JMJD1C: variants seen among roughly 807,000 people sequenced by gnomAD.
The protein encoded by JMJD1C is jumonji domain containing 1C.
A neutral mutation model predicts 245.3 loss-of-function variants in JMJD1C; 31 were observed. The ratio of observed to expected loss-of-function variants is 0.13; its 90% CI spans 0.09 to 0.17. JMJD1C has a LOEUF of 0.17. JMJD1C is among the 10% of genes least tolerant of loss of function. The probability of loss-of-function intolerance (pLI) is 1.00; values close to 1 mark genes in which losing one functional copy is unlikely to be tolerated. For missense variants in JMJD1C, 2,691 were observed against 3,000.2 expected (o/e 0.90, Z 2.41); for synonymous variants, 1,057 against 1,017.4 (o/e 1.04, Z -0.74).
intron 2 of JMJD1C, among the ~76,000 whole-genome samples, chr10:63,309,494 C>CAAAAAAA (rs71025153): frequency 2.6e-4 from 13 of 49,382 alleles, no homozygotes; most frequent in Middle Eastern, 0.025. Flanking sequence ...GACTCCATCT[C>CAAAAAAA]AAAAAAAAAA....
chr10:63,190,555 A>T (rs1844670343), intron 17 of JMJD1C, among the ~76,000 whole-genome samples: 1 of 152,196 alleles, frequency 6.6e-6, no homozygotes, highest in Admixed American at 6.5e-5. Context: ...GTAAATAATT[A>T]AAGCAAAATT....
At chr10:63,434,571 A>C (rs751363971) in intron 1 of JMJD1C, among the ~76,000 whole-genome samples, 1 of 152,078 alleles carries the variant, frequency 6.6e-6, no homozygotes, top group Non-Finnish European at 1.5e-5. Context: ...CTCTCTAAGC[A>C]ATGAGATAAA....
At chr10:63,513,674 A>G (rs556413420) in intron 1 of JMJD1C, among the ~76,000 whole-genome samples, 1 of 152,308 alleles carries the variant, frequency 6.6e-6, no homozygotes, top group Non-Finnish European at 1.5e-5. Flanking sequence ...GCACTTTGGG[A>G]GGCCGAGACA....
intron 2 of JMJD1C, among the ~76,000 whole-genome samples, chr10:63,362,167 G>A (rs1767336132): frequency 6.6e-6 from 1 of 151,014 alleles, no homozygotes; most frequent in Admixed American, 6.6e-5. Context: ...CCTGGGAGGC[G>A]GAGGCTACAG....
At chr10:63,250,892 C>T (rs1417021703) in intron 3 of JMJD1C, among the ~76,000 whole-genome samples, 1 of 152,146 alleles carries the variant, frequency 6.6e-6, no homozygotes, top group African/African-American at 2.4e-5. Flanking sequence ...AGGTGCATGG[C>T]ACCACATGTG....
chr10:63,298,094 C>A (rs1859652211), intron 2 of JMJD1C, among the ~76,000 whole-genome samples: 1 of 152,214 alleles, frequency 6.6e-6, no homozygotes. Flanking sequence ...ACTGGAACTG[C>A]CTGCCCCACT....
intron 2 of JMJD1C, among the ~76,000 whole-genome samples, chr10:63,318,491 T>C (rs553067319): frequency 6.6e-6 from 1 of 152,220 alleles, no homozygotes; most frequent in African/African-American, 2.4e-5. Flanking sequence ...TATATTATAA[T>C]CATGCCCTTT....
chr10:63,374,268 T>A (rs889885548), intron 2 of JMJD1C, among the ~76,000 whole-genome samples: 12 of 152,094 alleles, frequency 7.9e-5, no homozygotes, highest in Admixed American at 2.6e-4. Context: ...ATGAAAAAAA[T>A]TCACCCTATT....
intron 3 of JMJD1C, among the ~76,000 whole-genome samples, chr10:63,256,252 C>T (rs1317004007): frequency 2.0e-5 from 3 of 152,160 alleles, no homozygotes; most frequent in African/African-American, 7.2e-5. Context: ...ATTTTCAACA[C>T]ATCAAGTTTC....
intron 1 of JMJD1C, among the ~76,000 whole-genome samples, chr10:63,400,382 T>C (rs1948775295): frequency 6.6e-6 from 1 of 152,144 alleles, no homozygotes; most frequent in Non-Finnish European, 1.5e-5. Flanking sequence ...TCCTCTCCTC[T>C]AGAGTCTCAC....
chr10:63,429,019 T>C (rs1208071247), intron 1 of JMJD1C, among the ~76,000 whole-genome samples: 1 of 152,100 alleles, frequency 6.6e-6, no homozygotes, highest in Non-Finnish European at 1.5e-5. Context: ...TCACTCTTGT[T>C]ACCCAGGCTG....
chr10:63,173,308 T>C (rs1842558528), intron 24 of JMJD1C, among the ~76,000 whole-genome samples: 1 of 152,090 alleles, frequency 6.6e-6, no homozygotes, highest in African/African-American at 2.4e-5. Context: ...CCTCAAACTA[T>C]AATGGTTCTA....
chr10:63,466,050 C>T (rs1031582566), upstream of JMJD1C: 1 of 225,822 alleles, frequency 4.4e-6, no homozygotes, highest in Non-Finnish European at 8.6e-6. Flanking sequence ...GGGCAGCAGC[C>T]GCGGGAGGGT....
rs138996758 is a variant in JMJD1C, at chr10:63,170,954, A to G, written c.7402-2388T>C. On this transcript the variant is annotated intron_variant, in intron 24 of 25. Coordinates refer to ENST00000399262, the MANE Select transcript of JMJD1C (RefSeq NM_032776.3). ...ATTATAAATAGGTAATGTTAAGAAA[A>G]TATAATTTGTATTCATAGTAGGAAG... is the stretch of plus-strand genomic sequence containing the variant. Among the ~76,000 whole-genome samples the G allele has an allele frequency of 5.2e-3, 785 of 152,328 alleles. 5 individuals are homozygous for G. The highest frequency in any genetic ancestry group is 7.4e-3 in the Non-Finnish European group (506 of 68,034).
At chr10:63,459,351 AG>A (rs1952630353) in intron 1 of JMJD1C, among the ~76,000 whole-genome samples, 3 of 152,242 alleles carry the variant, frequency 2.0e-5, no homozygotes, top group Non-Finnish European at 4.4e-5. Context: ...ACACTGACAG[AG>A]TATAAACTAG....
At chr10:63,235,427 G>T (rs539921884) in intron 3 of JMJD1C, among the ~76,000 whole-genome samples, 1 of 152,146 alleles carries the variant, frequency 6.6e-6, no homozygotes, top group Non-Finnish European at 1.5e-5. Flanking sequence ...AACCCGCGAG[G>T]CAGAGGTTGC....
intron 1 of JMJD1C, among the ~76,000 whole-genome samples, chr10:63,505,175 G>A (rs1249507318): frequency 6.6e-6 from 1 of 151,790 alleles, no homozygotes; most frequent in African/African-American, 2.4e-5. Flanking sequence ...AAATTAGCTG[G>A]GAATGGTGGC....
At chr10:63,276,884 C>CTTTTTTTGT (rs1856827272) in intron 2 of JMJD1C, among the ~76,000 whole-genome samples, 1 of 96,254 alleles carries the variant, frequency 1.0e-5, no homozygotes, top group Non-Finnish European at 1.9e-5. Context: ...AAGCTTGGGG[C>CTTTTTTTGT]TTTTTTTTTT....
At chr10:63,375,514 CTAGAAGACT>C (rs1346040090) in intron 2 of JMJD1C, among the ~76,000 whole-genome samples, 2 of 148,338 alleles carry the variant, frequency 1.3e-5, no homozygotes, top group African/African-American at 5.0e-5. Flanking sequence ...TGTTCAAAGA[CTAGAAGACT>C]TAATATTTAC....
Sources: gnomAD v4.1 joint callset for allele counts (sites outside exome capture counted in the v4.1 genomes callset) on GRCh38, gnomAD v4.1.1 for gene constraint, MANE v1.5 for transcripts, NCBI Gene and HGNC (gene_info 2026-07-23, HGNC 2026-07-21) for gene names.